MAML3: variants seen among roughly 807,000 people sequenced by gnomAD.
The protein encoded by MAML3 is mastermind like transcriptional coactivator 3.
MAML3 carries 27 observed loss-of-function variants against 101.9 expected under a neutral mutation model. That is an observed-to-expected ratio of 0.27 (90% confidence interval 0.20 to 0.37). The LOEUF (loss-of-function observed/expected upper bound fraction) is 0.37, where lower values mean the gene tolerates loss of function less well. MAML3 is among the 10% of genes least tolerant of loss of function. MAML3 has a pLI of 1.00. For synonymous variants in MAML3, 501 were observed against 555.9 expected, an observed-to-expected ratio of 0.90 and a Z score of 1.39; for missense variants, 1,316 against 1,444.9, an observed-to-expected ratio of 0.91 and a Z score of 1.45.
intron 2 of MAML3, among the ~76,000 whole-genome samples, chr4:139,768,625 G>A (rs1323271196): frequency 1.3e-5 from 2 of 152,184 alleles, no homozygotes; most frequent in African/African-American, 4.8e-5. Flanking sequence ...TAATGTTCAG[G>A]AAATAAAGCA....
chr4:139,804,105 C>A (rs910984595), intron 2 of MAML3, among the ~76,000 whole-genome samples: 4 of 152,128 alleles, frequency 2.6e-5, no homozygotes, highest in African/African-American at 9.7e-5. Context: ...GCACTTTGGG[C>A]CTCAGTCTTC....
At chr4:139,795,472 G>C (rs766781750) in intron 2 of MAML3, among the ~76,000 whole-genome samples, 4 of 152,190 alleles carry the variant, frequency 2.6e-5, no homozygotes, top group Admixed American at 6.5e-5. Flanking sequence ...TTAATATTTG[G>C]AGGCAATTTC....
intron 1 of MAML3, among the ~76,000 whole-genome samples, chr4:139,949,239 T>C (rs1285073493): frequency 6.6e-6 from 1 of 152,140 alleles, no homozygotes; most frequent in African/African-American, 2.4e-5. Flanking sequence ...ATGGTCTTGG[T>C]ATCTTGACCT....
chr4:140,049,775 C>T (rs1727238518), intron 1 of MAML3, among the ~76,000 whole-genome samples: 1 of 151,868 alleles, frequency 6.6e-6, no homozygotes, highest in Non-Finnish European at 1.5e-5. Context: ...ATCTAAAATT[C>T]TACAGTGAGT....
intron 2 of MAML3, among the ~76,000 whole-genome samples, chr4:139,766,596 A>G (rs933500662): frequency 3.9e-5 from 6 of 152,298 alleles, no homozygotes; most frequent in African/African-American, 1.4e-4. Context: ...ACCTATGGTA[A>G]CCGGCCACAC....
At chr4:139,955,626 A>G (rs1486659699) in intron 1 of MAML3, among the ~76,000 whole-genome samples, 1 of 152,008 alleles carries the variant, frequency 6.6e-6, no homozygotes, top group Non-Finnish European at 1.5e-5. Context: ...TTAATTCCAA[A>G]TGGGTCCCAT....
At chr4:140,002,744 C>G (rs1726339459) in intron 1 of MAML3, among the ~76,000 whole-genome samples, 1 of 152,152 alleles carries the variant, frequency 6.6e-6, no homozygotes, top group African/African-American at 2.4e-5. Context: ...CACAGAAAAC[C>G]AAAACAATAT....
chr4:140,044,635 C>T (rs1727150245), intron 1 of MAML3, among the ~76,000 whole-genome samples: 1 of 152,186 alleles, frequency 6.6e-6, no homozygotes, highest in African/African-American at 2.4e-5. Flanking sequence ...AGTGGATTTG[C>T]AGCAGCTGTG....
intron 1 of MAML3, among the ~76,000 whole-genome samples, chr4:139,949,182 A>T (rs899567213): frequency 7.2e-5 from 11 of 151,868 alleles, no homozygotes; most frequent in Admixed American, 5.9e-4. Context: ...CACCCAGCTA[A>T]TTTTTTTGTA....
chr4:139,947,752 A>G (rs1733756416), intron 1 of MAML3, among the ~76,000 whole-genome samples: 1 of 152,172 alleles, frequency 6.6e-6, no homozygotes, highest in African/African-American at 2.4e-5. Context: ...CTCAAAAATC[A>G]AAACAAAACA....
intron 1 of MAML3, among the ~76,000 whole-genome samples, chr4:140,119,453 A>G (rs1169474067): frequency 6.6e-6 from 1 of 152,136 alleles, no homozygotes; most frequent in Non-Finnish European, 1.5e-5. Flanking sequence ...CAATTTGCAG[A>G]TATGCACTGC....
At chr4:139,909,736 C>T (rs1732882735) in intron 1 of MAML3, among the ~76,000 whole-genome samples, 1 of 146,954 alleles carries the variant, frequency 6.8e-6, no homozygotes, top group Non-Finnish European at 1.5e-5. Flanking sequence ...ACTCAGGAGG[C>T]TGAGGCAGGA....
At chr4:139,934,747 C>CA (rs1733473103) in intron 1 of MAML3, among the ~76,000 whole-genome samples, 1 of 152,198 alleles carries the variant, frequency 6.6e-6, no homozygotes, top group Non-Finnish European at 1.5e-5. Context: ...CTAAAGTGTT[C>CA]TTCCCTAAAT....
intron 1 of MAML3, among the ~76,000 whole-genome samples, chr4:139,972,471 A>G (rs1734248873): frequency 6.6e-6 from 1 of 152,206 alleles, no homozygotes; most frequent in South Asian, 2.1e-4. Flanking sequence ...TGACTCAGAG[A>G]TGCATCACTC....
chr4:140,091,552 A>AC (rs1728052350), intron 1 of MAML3, among the ~76,000 whole-genome samples: 1 of 149,976 alleles, frequency 6.7e-6, no homozygotes, highest in Non-Finnish European at 1.5e-5. Flanking sequence ...ACAAAACAAA[A>AC]AAAAAAAACA....
intron 1 of MAML3, among the ~76,000 whole-genome samples, chr4:140,150,125 A>C (rs1729133974): frequency 6.6e-6 from 1 of 152,136 alleles, no homozygotes; most frequent in Non-Finnish European, 1.5e-5. Flanking sequence ...TCTAATCAAC[A>C]GGCTAAATCA....
intron 2 of MAML3, among the ~76,000 whole-genome samples, chr4:139,838,158 T>C (rs1165096684): frequency 6.6e-6 from 1 of 152,008 alleles, no homozygotes; most frequent in Admixed American, 6.6e-5. Context: ...ACAAGGTAGC[T>C]GGAGGCCACC....
chr4:139,857,312 G>A (rs1288469284), intron 2 of MAML3, among the ~76,000 whole-genome samples: 1 of 152,200 alleles, frequency 6.6e-6, no homozygotes, highest in Non-Finnish European at 1.5e-5. Context: ...ACAAAGCCAA[G>A]AGACAGAGGA....
At chr4:139,769,254 T>C (rs1306122636) in intron 2 of MAML3, among the ~76,000 whole-genome samples, 1 of 152,158 alleles carries the variant, frequency 6.6e-6, no homozygotes, top group Admixed American at 6.5e-5. Context: ...GGAGGAGAGA[T>C]GCATCCCTCA....
Sources: allele counts gnomAD v4.1 joint callset (sites outside exome capture counted in the v4.1 genomes callset), GRCh38; gene constraint gnomAD v4.1.1; transcripts MANE v1.5; gene names NCBI Gene and HGNC (gene_info 2026-07-23, HGNC 2026-07-21).